Variants in ITFG2 observed in about 807,000 individuals in gnomAD.
ITFG2 encodes the protein integrin alpha FG-GAP repeat containing 2, also known as KICSTOR complex protein ITFG2.
Under a neutral mutation model 54.4 loss-of-function variants are expected in ITFG2, and 36 were observed. That is an observed-to-expected ratio of 0.66 (90% confidence interval 0.51 to 0.87). The LOEUF (loss-of-function observed/expected upper bound fraction) is 0.87, where lower values mean the gene tolerates loss of function less well. Among genes scored for constraint, ITFG2 ranks in the 40% least tolerant of loss-of-function variants. ITFG2 has a pLI of 0.00. For synonymous variants in ITFG2, 211 were observed against 225.4 expected, an observed-to-expected ratio of 0.94 and a Z score of 0.57; for missense variants, 524 against 576.7, an observed-to-expected ratio of 0.91 and a Z score of 0.94.
At position 2,812,810 on chromosome 12, in the gene ITFG2, G is replaced by A. The variant is rs2097911962; in HGVS notation, c.50G>A (p.Ser17Asn). The A allele has an allele frequency of 6.2e-7, 1 of 1,613,294 alleles. No homozygotes were observed. Among genetic ancestry groups the A allele is most frequent in the Non-Finnish European group, 8.5e-7 (1 of 1,179,358 alleles). The change falls in exon 1 of 12, where the codon AGC becomes AAC. Residue 17 changes from serine (S) to asparagine (N), a missense_variant. Physicochemically the swap from Ser to Asn is conservative, Grantham distance 46 (BLOSUM62 1). Transcript: ENST00000228799. ...VQRVALEFSG[S>N]LFPHAICLGD... The stretch of plus-strand genomic sequence containing the variant: ...CGCGTGGCGCTGGAGTTCAGCGGGA[G>A]CCTCTTCCCGCACGCAATCTGCCTC...
chr12:2,841,508 T>G (rs769748899), intron 2 of ITFG2, among the ~76,000 whole-genome samples: 29 of 152,182 alleles, frequency 1.9e-4, no homozygotes, highest in Non-Finnish European at 3.7e-4. Flanking sequence ...CATTTACCAC[T>G]GGGTGTCAGA....
intron 4 of ITFG2, 161 bp downstream of exon 4, chr12:2,818,438 A>G: frequency 7.0e-7 from 1 of 1,427,410 alleles, no homozygotes; most frequent in South Asian, 1.3e-5. Flanking sequence ...AGGCACTGGA[A>G]TTGCCATAGT....
chr12:2,858,819 G>T (rs1411714091), intron 3 of ITFG2: 2 of 1,614,234 alleles, frequency 1.2e-6, no homozygotes, highest in African/African-American at 1.3e-5. Context: ...TGGCTCCGGG[G>T]AGCCTGGCTT....
intron 1 of ITFG2, among the ~76,000 whole-genome samples, chr12:2,814,873 G>A (rs970343457): frequency 1.3e-5 from 2 of 151,688 alleles, no homozygotes; most frequent in Non-Finnish European, 2.9e-5. Context: ...AATAAGAAAC[G>A]TCAAGTAATA....
At chr12:2,849,384 G>A in intron 2 of ITFG2, 2 of 1,536,178 alleles carry the variant, frequency 1.3e-6, no homozygotes, top group Non-Finnish European at 1.7e-6. Context: ...TGGGCAGCAA[G>A]GCCAGCTTTA....
chr12:2,832,831 G>C (rs1178041198), upstream of ITFG2, among the ~76,000 whole-genome samples: 1 of 150,450 alleles, frequency 6.6e-6, no homozygotes, highest in East Asian at 2.0e-4. Context: ...CTCTCCTTGG[G>C]ATCCTGGGAT....
rs2098038681 is a variant in ITFG2, at chr12:2,840,562, A to G, written n.147-280A>G. 2.0e-5 allele frequency among the ~76,000 whole-genome samples: 3 copies of G among 152,194 alleles called. No homozygotes were observed. In the South Asian group the frequency reaches 6.2e-4, roughly 32 times the overall value. On this transcript the variant is annotated intron_variant and non_coding_transcript_variant, in intron 1 of 3. Transcript: ENST00000537710. ...AGCACTTTGGGAGGCCGAGGCAGGCAGATCACGAGGTCAGGAGATTGAGAC... is the reference window on the plus strand; with the variant it reads ...AGCACTTTGGGAGGCCGAGGCAGGCGGATCACGAGGTCAGGAGATTGAGAC...
At chr12:2,831,411 C>T (rs1408481417), downstream of ITFG2, among the ~76,000 whole-genome samples, 2 of 151,958 alleles carry the variant, frequency 1.3e-5, no homozygotes, top group Non-Finnish European at 2.9e-5. Context: ...TGGTGAAACC[C>T]TATTTCTACT....
intron 2 of ITFG2, among the ~76,000 whole-genome samples, chr12:2,844,939 T>G (rs975090858): frequency 3.3e-5 from 5 of 152,242 alleles, no homozygotes; most frequent in African/African-American, 4.8e-5. Context: ...AGCCACATTC[T>G]TTACAAGCGT....
chr12:2,821,016 G>A, intron 6 of ITFG2, 144 bp downstream of exon 6: 3 of 896,478 alleles, frequency 3.3e-6, no homozygotes, highest in South Asian at 3.5e-5. Flanking sequence ...CCCCACTGGG[G>A]AAGATTACTT....
chr12:2,854,837 G>C (rs2098082112), intron 2 of ITFG2: 2 of 1,458,922 alleles, frequency 1.4e-6, no homozygotes, highest in East Asian at 2.5e-5. Flanking sequence ...ACCTGAGAGA[G>C]GGAGGGGTCA....
At chr12:2,847,835 C>G (rs1037192948) in intron 2 of ITFG2, among the ~76,000 whole-genome samples, 1 of 152,166 alleles carries the variant, frequency 6.6e-6, no homozygotes, top group Non-Finnish European at 1.5e-5. Context: ...TGGCTTCTTT[C>G]ACTCAGCATG....
At chr12:2,821,513 C>G in intron 7 of ITFG2, 30 bp from the exon 8 acceptor site, 1 of 1,613,390 alleles carries the variant, frequency 6.2e-7, no homozygotes, top group Non-Finnish European at 8.5e-7. Flanking sequence ...TTGCCCTGCC[C>G]TTTACATATT....
intron 1 of ITFG2, among the ~76,000 whole-genome samples, chr12:2,814,945 C>A (rs989366818): frequency 6.6e-6 from 1 of 151,940 alleles, no homozygotes; most frequent in South Asian, 2.1e-4. Flanking sequence ...CCAGAAAGTC[C>A]CATAACAATT....
chr12:2,850,950 G>A (rs2098068530), intron 2 of ITFG2, among the ~76,000 whole-genome samples: 1 of 148,012 alleles, frequency 6.8e-6, no homozygotes, highest in Admixed American at 6.8e-5. Flanking sequence ...GAGATTACAA[G>A]CATGAGCCAA....
At chr12:2,846,975 G>C (rs1193072305) in intron 2 of ITFG2, among the ~76,000 whole-genome samples, 1 of 152,012 alleles carries the variant, frequency 6.6e-6, no homozygotes, top group Non-Finnish European at 1.5e-5. Flanking sequence ...TCACAGTGTT[G>C]TGCAACCACT....
At position 2,847,177 on chromosome 12, in the gene ITFG2, CAT is replaced by C. The variant is rs961741885; in HGVS notation, n.300+6183_300+6184del. Among the ~76,000 whole-genome samples, 12 of 152,126 alleles carry C rather than the reference CAT, an allele frequency of 7.9e-5. 1 individual carries two copies. The highest frequency in any genetic ancestry group is 1.4e-4 in the African/African-American group (6 of 41,412). On this transcript the variant is annotated intron_variant and non_coding_transcript_variant, in intron 2 of 3. Coordinates refer to the ITFG2 transcript ENST00000537710. The stretch of plus-strand genomic sequence containing the variant: ...TTTTCAAGGTTTATCCATGTTGTAA[CAT>C]GTATTCTTTTAAAAAAAATTTTAAT...
Position 2,818,271 on chromosome 12 carries a change from G to A in ITFG2, c.400G>A (p.Asp134Asn), listed in dbSNP as rs1005215879. The change falls in exon 4 of 12, where the codon GAC (aspartate) becomes AAC (asparagine). Residue 134 changes from aspartate (D) to asparagine (N), a missense_variant. Asp to Asn is a conservative substitution (Grantham distance 23). Transcript: ENST00000228799. ...CAACACCAAGGTCATGCTGATCAGC[G>A]ACATCGGTGGGCATGCCTACCTTTG... ...PANTKVMLIS[D>N]IDGDGCRELV... The A allele has an allele frequency of 9.9e-6, 16 of 1,612,546 alleles. No individual in the cohort carries two copies. The highest frequency in any genetic ancestry group is 4.4e-5 in the South Asian group (4 of 91,072).
At chr12:2,859,215 G>A (rs1431933082) in intron 3 of ITFG2, 2 of 1,612,674 alleles carry the variant, frequency 1.2e-6, no homozygotes. Flanking sequence ...GAGCTCTGCG[G>A]CCCAGCGGGA....
Sources: gnomAD v4.1 joint callset for allele counts (sites outside exome capture counted in the v4.1 genomes callset) on GRCh38, gnomAD v4.1.1 for gene constraint, MANE v1.5 for transcripts, NCBI Gene and HGNC (gene_info 2026-07-23, HGNC 2026-07-21) for gene names.